The following MAST2 variants were observed in gnomAD, a reference collection of about 807,000 sequenced individuals.
MAST2 encodes the protein microtubule-associated serine/threonine-protein kinase 2.
In MAST2, 70 loss-of-function variants were observed where a neutral mutation model predicts 147.4. The ratio of observed to expected loss-of-function variants is 0.47; its 90% CI spans 0.39 to 0.58. MAST2 has a LOEUF of 0.58. MAST2 is among the 20% of genes least tolerant of loss of function. The probability of loss-of-function intolerance (pLI) is 0.00; values close to 1 mark genes in which losing one functional copy is unlikely to be tolerated. For missense variants in MAST2, 2,080 were observed against 2,302.3 expected (o/e 0.90, Z 1.98); for synonymous variants, 869 against 896.8 (o/e 0.97, Z 0.55).
chr1:45,857,799 G>A (rs546846747), intron 3 of MAST2, among the ~76,000 whole-genome samples: 1 of 147,460 alleles, frequency 6.8e-6, no homozygotes, highest in East Asian at 2.0e-4. Context: ...CCCTTCCTGT[G>A]TCCAAGTGTT....
At chr1:45,896,442 C>T (rs995361035) in intron 4 of MAST2, among the ~76,000 whole-genome samples, 5 of 152,174 alleles carry the variant, frequency 3.3e-5, no homozygotes, top group Admixed American at 6.5e-5. Context: ...TCTGTGCCCT[C>T]CCCAGCCGTG....
intron 4 of MAST2, chr1:45,913,510 A>G (rs1651990551): frequency 7.0e-6 from 6 of 857,784 alleles, no homozygotes; most frequent in African/African-American, 5.5e-5. Context: ...TCACTGACGC[A>G]GGAACAAGGT....
Position 46,034,597 on chromosome 1 carries a change from G to T in MAST2, c.3928G>T (p.Gly1310Cys). The T allele has an allele frequency of 6.2e-7, 1 of 1,613,954 alleles. No homozygotes were observed. Among genetic ancestry groups the T allele is most frequent in the Non-Finnish European group, 8.5e-7 (1 of 1,179,992 alleles). ...PSSSVPSSPA[G>C]SGHTRPSSLH... ...CTCCAGCGTGCCCAGTTCCCCAGCC[G>T]GCTCTGGGCACACACGGCCCAGCTC... Residue 1310 changes from glycine (G) to cysteine (C), a missense_variant, in exon 29 of 29, where the codon GGC (glycine) becomes TGC (cysteine). Physicochemically the swap from Gly to Cys is radical, Grantham distance 159. This residue lies in a region of MAST2 where 1,278 missense variants were observed against 1,304.2 expected (regional missense o/e 0.98). Transcript: ENST00000361297.
At chr1:45,926,046 C>T (rs1164520501) in intron 4 of MAST2, among the ~76,000 whole-genome samples, 1 of 152,178 alleles carries the variant, frequency 6.6e-6, no homozygotes, top group Non-Finnish European at 1.5e-5. Context: ...TTACCAACAC[C>T]TGCTTTTCTT....
At chr1:45,989,580 G>T (rs1644780873) in intron 5 of MAST2, among the ~76,000 whole-genome samples, 2 of 152,076 alleles carry the variant, frequency 1.3e-5, no homozygotes, top group Non-Finnish European at 1.5e-5. Context: ...GCCTTTAGAG[G>T]TGACAAACCA....
At chr1:45,980,457 T>C (rs1028036645) in intron 5 of MAST2, among the ~76,000 whole-genome samples, 1 of 151,826 alleles carries the variant, frequency 6.6e-6, no homozygotes, top group Admixed American at 6.5e-5. Context: ...CCGCTGAATC[T>C]AAAATAAAAG....
chr1:45,825,874 C>G (rs1204094241), intron 2 of MAST2, among the ~76,000 whole-genome samples: 1 of 151,770 alleles, frequency 6.6e-6, no homozygotes, highest in Non-Finnish European at 1.5e-5. Flanking sequence ...GTCAGGAGTT[C>G]AAGACCAGCC....
At chr1:45,938,903 G>C (rs1010026900) in intron 4 of MAST2, among the ~76,000 whole-genome samples, 3 of 146,774 alleles carry the variant, frequency 2.0e-5, no homozygotes, top group African/African-American at 7.5e-5. Flanking sequence ...AAATCTGTTC[G>C]TTTTTTTTTT....
intron 5 of MAST2, among the ~76,000 whole-genome samples, chr1:45,970,623 G>A (rs1049641595): frequency 2.2e-5 from 3 of 136,034 alleles, no homozygotes; most frequent in African/African-American, 5.7e-5. Context: ...AGCCCAGATC[G>A]CACCACTGCA....
intron 5 of MAST2, among the ~76,000 whole-genome samples, chr1:45,973,116 C>T (rs1643987948): frequency 6.6e-6 from 1 of 151,990 alleles, no homozygotes; most frequent in African/African-American, 2.4e-5. Context: ...CTCTTGACTC[C>T]AATTACTCTC....
rs769528200 is a variant in MAST2, at chr1:46,029,501, C to A, written c.2254C>A (p.Pro752Thr). 2 of 1,613,884 alleles carry A rather than the reference C, an allele frequency of 1.2e-6. No individual in the cohort carries two copies. Among genetic ancestry groups the A allele is most frequent in the Admixed American group, 1.7e-5 (1 of 60,000 alleles). ...IVWPEGDEAL[P>T]PDAQDLTSKL... is the part of the protein sequence containing the mutation. ...GTGGCCTGAGGGTGATGAGGCACTG[C>A]CCCCAGACGCCCAGGACCTCACCTC... The change falls in exon 19 of 29, where the codon CCC becomes ACC. Residue 752 changes from proline (P) to threonine (T), a missense_variant. This residue lies in a region of MAST2 where 209 missense variants were observed against 309.5 expected (regional missense o/e 0.68). Coordinates refer to ENST00000361297, the MANE Select transcript of MAST2 (RefSeq NM_015112.3).
rs183506001 is a variant in MAST2, at chr1:45,960,534, C to T, written c.592+1057C>T. The stretch of plus-strand genomic sequence containing the variant: ...AGAAAAAAAGAAAAGAAAAGAAATA[C>T]GAGGCTTCCATTGATTCTGGCACAT... On this transcript the variant is annotated intron_variant, in intron 5 of 28. Transcript: ENST00000361297. Among the ~76,000 whole-genome samples, 10 of 152,176 alleles carry T rather than the reference C, an allele frequency of 6.6e-5. No homozygotes were observed. In the East Asian group the frequency reaches 1.9e-3, roughly 29 times the overall value.
intron 5 of MAST2, among the ~76,000 whole-genome samples, chr1:45,986,343 G>C (rs779787631): frequency 4.6e-5 from 7 of 152,072 alleles, no homozygotes; most frequent in Non-Finnish European, 8.8e-5. Flanking sequence ...TTGATTTTCA[G>C]ATTTTAAGCC....
rs116989001 is a variant in MAST2 at position 45,823,938 on chromosome 1, C to T, written c.178-495C>T. On this transcript the variant is annotated intron_variant, in intron 1 of 28. Transcript: ENST00000361297. ...TGTATTTTCTGATAGTACTTTTATA[C>T]TTTGAAAACCTGTATTTAGCTCCTC... 8.5e-5 allele frequency among the ~76,000 whole-genome samples: 13 copies of T among 152,154 alleles called. 1 individual carries two copies. In the East Asian group the frequency reaches 2.3e-3, roughly 27 times the overall value.
intron 5 of MAST2, among the ~76,000 whole-genome samples, chr1:45,967,582 T>TC (rs1375090887): frequency 6.6e-6 from 1 of 152,204 alleles, no homozygotes; most frequent in Admixed American, 6.5e-5. Flanking sequence ...TGGAAGTGTA[T>TC]CATCATAAAG....
chr1:45,951,325 G>A (rs1449807233), intron 4 of MAST2, among the ~76,000 whole-genome samples: 1 of 152,150 alleles, frequency 6.6e-6, no homozygotes, highest in East Asian at 1.9e-4. Flanking sequence ...GCTTATGCCT[G>A]TAATCCCAGC....
intron 4 of MAST2, among the ~76,000 whole-genome samples, chr1:45,908,648 T>G (rs983194370): frequency 1.3e-5 from 2 of 152,258 alleles, no homozygotes; most frequent in African/African-American, 4.8e-5. Context: ...GCATAATTTA[T>G]GGAATTTCAA....
intron 1 of MAST2, among the ~76,000 whole-genome samples, chr1:45,806,662 C>T (rs1644151096): frequency 6.6e-6 from 1 of 152,196 alleles, no homozygotes; most frequent in Admixed American, 6.5e-5. Context: ...ACTGCAACCT[C>T]TGCCTCCCGG....
chr1:45,814,623 C>T (rs1644398791), intron 1 of MAST2, among the ~76,000 whole-genome samples: 1 of 152,138 alleles, frequency 6.6e-6, no homozygotes, highest in Non-Finnish European at 1.5e-5. Flanking sequence ...CCCGTCACTA[C>T]TAAAAATACA....
Sources: allele counts gnomAD v4.1 joint callset (sites outside exome capture counted in the v4.1 genomes callset), GRCh38; gene constraint gnomAD v4.1.1; regional missense constraint gnomAD v4.1.1; transcripts MANE v1.5; gene names NCBI Gene and HGNC (gene_info 2026-07-23, HGNC 2026-07-21).